The following ZNF98 variants were observed in gnomAD, a reference collection of about 807,000 sequenced individuals.
ZNF98 encodes the protein zinc finger protein 739.
A neutral mutation model predicts 12.8 loss-of-function variants in ZNF98; 8 were observed. That is an observed-to-expected ratio of 0.63 (90% CI 0.37 to 1.13). The LOEUF is 1.13. ZNF98 is among the 50% of genes most tolerant of loss of function. The pLI is 0.01. For missense variants in ZNF98, 379 were observed against 666.1 expected (o/e 0.57, Z 4.74); for synonymous variants, 112 against 223.5 (o/e 0.50, Z 4.45).
intron 2 of ZNF98, 119 bp downstream of exon 2, chr19:22,403,267 A>C: frequency 2.3e-6 from 3 of 1,300,716 alleles, no homozygotes; most frequent in Non-Finnish European, 3.1e-6. Flanking sequence ...TTAAAAAAAA[A>C]AAACAAAAAA....
chr19:22,402,791 G>A lies in ZNF98; in HGVS notation c.251C>T (p.Pro84Leu). The change falls in exon 3 of 4, where the codon CCA (proline) becomes CTA (leucine). Residue 84 changes from proline to leucine, a missense_variant and splice_region_variant. Pro to Leu is a moderately conservative substitution (Grantham distance 98). Transcript: ENST00000357774. The stretch of plus-strand genomic sequence containing the variant: ...TATTCACTTTCACTCTCACCTACCT[G>A]GGGGTTCAGTTACCATCTCATGTCT... ...VKRHEMVTEPPVVYSYFAQDL... is the reference protein window; with the variant it reads ...VKRHEMVTEPLVVYSYFAQDL... The A allele has an allele frequency of 1.9e-6, 3 of 1,583,908 alleles. No homozygotes were observed. The East Asian group carries it at 7.0e-5, about 37-fold the overall frequency.
chr19:22,415,402 T>C (rs1278946307), intron 1 of ZNF98, among the ~76,000 whole-genome samples: 3 of 152,188 alleles, frequency 2.0e-5, no homozygotes, highest in Non-Finnish European at 2.9e-5. Flanking sequence ...GACATACGCA[T>C]GTTCATTGCA....
At chr19:22,412,792 C>T (rs147881613) in intron 1 of ZNF98, among the ~76,000 whole-genome samples, 3,812 of 152,218 alleles carry the variant, frequency 0.025, 70 homozygotes, top group South Asian at 0.062. Flanking sequence ...GTGGCTCACA[C>T]CTGTAATCCC....
intron 1 of ZNF98, among the ~76,000 whole-genome samples, chr19:22,418,082 A>G (rs1969664682): frequency 6.6e-6 from 1 of 152,108 alleles, no homozygotes; most frequent in Non-Finnish European, 1.5e-5. Flanking sequence ...ACATTCTCCA[A>G]CACCAACTCA....
chr19:22,421,047 C>T (rs1969698208), intron 1 of ZNF98, among the ~76,000 whole-genome samples: 1 of 152,074 alleles, frequency 6.6e-6, no homozygotes. Flanking sequence ...CTATTTCCTT[C>T]CCCTGTGCAT....
At position 22,391,565 on chromosome 19, in the gene ZNF98, T is replaced by C. The variant is rs772777879; in HGVS notation, c.1670A>G (p.Asn557Ser). ...TTTATATTTGGAAATCTTTGCAATG[T>C]TGTCACAAGCATTGTTACAACTTTC... ...KPESCNNACD[N>S]IAKISKYKRN... The change falls in exon 4 of 4, where the codon AAC becomes AGC. Residue 557 changes from asparagine to serine, a missense_variant. Asn to Ser is a conservative substitution (Grantham distance 46). Coordinates refer to ENST00000357774, the MANE Select transcript of ZNF98 (RefSeq NM_001098626.2). 1.0e-4 allele frequency: 160 copies of C among 1,599,280 alleles called. No individual in the cohort carries two copies. The highest frequency in any genetic ancestry group is 1.3e-4 in the Non-Finnish European group (154 of 1,172,314).
chr19:22,417,229 C>CAA lies in ZNF98; in HGVS notation c.30+4964_30+4965dup, dbSNP rs57152900. ...GGGCAATAAGAGCAAAACTCCATCT[C>CAA]AAAAAAAAAAAAAAAAAAAAAAAAA... is the stretch of plus-strand genomic sequence containing the variant. On this transcript the variant is annotated intron_variant, in intron 1 of 3. Transcript: ENST00000357774. Among the ~76,000 whole-genome samples, 122 of 45,456 alleles carry CAA rather than the reference C, an allele frequency of 2.7e-3. 3 individuals carry two copies. Among genetic ancestry groups the CAA allele is most frequent in the African/African-American group, 0.011 (107 of 9,428 alleles). The allele number at this position is 45,456 out of a possible 152,430, so 29.8% of individuals were successfully genotyped here.
Position 22,391,745 on chromosome 19 carries a change from T to C in ZNF98, c.1490A>G (p.Lys497Arg), listed in dbSNP as rs1395134393. 2 of 1,613,070 alleles carry C rather than the reference T, an allele frequency of 1.2e-6. No individual in the cohort carries two copies. The highest frequency in any genetic ancestry group is 2.2e-5 in the East Asian group (1 of 44,834). The change falls in exon 4 of 4, where the codon AAA becomes AGA. Residue 497 changes from lysine to arginine, a missense_variant. Lys to Arg is a conservative substitution (Grantham distance 26). This residue lies in a region of ZNF98 where 15 missense variants were observed against 28.7 expected (regional missense o/e 0.52). Transcript: ENST00000357774. The stretch of plus-strand genomic sequence containing the variant: ...AAGGTGTGAGGACTGGTTAAAAGCT[T>C]TGCCACATTCTTCACATTTGTAGGG... ...EKPYKCEECG[K>R]AFNQSSHLTT... is the part of the protein sequence containing the mutation.
intron 3 of ZNF98, among the ~76,000 whole-genome samples, chr19:22,398,633 AC>A (rs757357909): frequency 2.6e-5 from 4 of 152,156 alleles, no homozygotes; most frequent in Non-Finnish European, 4.4e-5. Context: ...GGGATTACAG[AC>A]GTGAACCACC....
chr19:22,400,901 C>T (rs1415055957), intron 3 of ZNF98, among the ~76,000 whole-genome samples: 1 of 143,882 alleles, frequency 7.0e-6, no homozygotes, highest in Non-Finnish European at 1.5e-5. Flanking sequence ...TGCAGTGAGC[C>T]GAGGCCGCGC....
chr19:22,399,330 T>A (rs899053550), intron 3 of ZNF98, among the ~76,000 whole-genome samples: 17 of 152,106 alleles, frequency 1.1e-4, no homozygotes, highest in Non-Finnish European at 1.8e-4. Flanking sequence ...AAGACTCTAA[T>A]GACAAACTGA....
intron 1 of ZNF98, among the ~76,000 whole-genome samples, chr19:22,406,282 T>G (rs1321862003): frequency 6.6e-6 from 1 of 152,064 alleles, no homozygotes; most frequent in East Asian, 1.9e-4. Context: ...CAACCATCTT[T>G]GCTGTTCTCC....
chr19:22,392,515 G>A lies in ZNF98; in HGVS notation c.720C>T (p.Cys240=), dbSNP rs370915484. 5.7e-5 allele frequency: 91 copies of A among 1,600,448 alleles called. No individual in the cohort carries two copies. The East Asian group carries it at 6.3e-4, about 11-fold the overall frequency. The change falls in exon 4 of 4, where the codon TGC becomes TGT. Residue 240 remains cysteine, a synonymous_variant. Coordinates refer to ENST00000357774, the MANE Select transcript of ZNF98 (RefSeq NM_001098626.2). ...GGTTAAAGGCTTTTCCACACTCTTC[G>A]CATTTGTAGGGTTTCTTTCCAGTAT... ...RIHTGKKPYK[C]EECGKAFNRL... is the part of the protein sequence containing the mutation.
chr19:22,407,440 A>G (rs992348620), intron 1 of ZNF98, among the ~76,000 whole-genome samples: 3 of 143,180 alleles, frequency 2.1e-5, no homozygotes, highest in Non-Finnish European at 3.1e-5. Context: ...TCGGCTGGGC[A>G]CGGTGGCTCA....
rs1238332381 is a variant in ZNF98, at chr19:22,402,575, TCAC to T, written c.253+211_253+213del. On this transcript the variant is annotated intron_variant, in intron 3 of 3. Coordinates refer to ENST00000357774, the MANE Select transcript of ZNF98 (RefSeq NM_001098626.2). ...GCTGTCACTGTAAACCTGAAGAAGA[TCAC>T]CAAAGGGAAAGTAAAATCTTTAGAG... 5 of 503,740 alleles carry T rather than the reference TCAC, an allele frequency of 9.9e-6. No individual in the cohort carries two copies. In the Admixed American group the frequency reaches 1.2e-4, roughly 12 times the overall value. 31.2% of individuals were successfully genotyped at this position (503,740 alleles called of 1,614,324 possible). A position where few individuals can be genotyped will look rare whatever the true frequency, so the allele number is the denominator to read the frequency against.
At chr19:22,415,059 T>C (rs951457109) in intron 1 of ZNF98, among the ~76,000 whole-genome samples, 2 of 151,876 alleles carry the variant, frequency 1.3e-5, no homozygotes, top group African/African-American at 4.8e-5. Flanking sequence ...CACTAAATGG[T>C]AGACAAAAAA....
intron 1 of ZNF98, among the ~76,000 whole-genome samples, chr19:22,413,039 C>T (rs930571140): frequency 6.0e-5 from 9 of 151,182 alleles, no homozygotes; most frequent in African/African-American, 1.7e-4. Flanking sequence ...GGTGACAGAG[C>T]GAGACTCCGT....
intron 1 of ZNF98, among the ~76,000 whole-genome samples, chr19:22,417,606 T>C (rs2145123420): frequency 6.6e-6 from 1 of 152,128 alleles, no homozygotes. Flanking sequence ...GCAGATGAGA[T>C]TATGAACAGG....
rs1969712241 is a variant in ZNF98 at position 22,422,185 on chromosome 19, G to A, written c.30+10C>T. The stretch of plus-strand genomic sequence containing the variant: ...CTCCTCTCTAGGGATGTCGGACTCG[G>A]CACTCTCACCATTTCTAGGCTTCCA... On this transcript the variant is annotated intron_variant, in intron 1 of 3. Transcript: ENST00000357774. 1.2e-6 allele frequency: 2 copies of A among 1,612,570 alleles called. No homozygotes were observed. Among genetic ancestry groups the A allele is most frequent in the African/African-American group, 2.7e-5 (2 of 74,852 alleles).
Sources: gnomAD v4.1 joint callset for allele counts (sites outside exome capture counted in the v4.1 genomes callset) on GRCh38, gnomAD v4.1.1 for gene constraint, gnomAD v4.1.1 regional missense constraint, MANE v1.5 for transcripts, NCBI Gene and HGNC (gene_info 2026-07-23, HGNC 2026-07-21) for gene names.